SGCZ: variants seen among roughly 807,000 people sequenced by gnomAD.
SGCZ encodes zeta-sarcoglycan.
Under a neutral mutation model 41.3 loss-of-function variants are expected in SGCZ, and 40 were observed. The observed-to-expected ratio is 0.97, with a 90% CI of 0.75 to 1.26. The LOEUF is 1.26. SGCZ is among the 50% of genes most tolerant of loss of function. SGCZ has a pLI of 0.00. For synonymous variants in SGCZ, 206 were observed against 137.5 expected (o/e 1.50, Z -3.49); for missense variants, 552 against 369.8 (o/e 1.49, Z -4.04).
chr8:14,952,478 G>C (rs1800671606), intron 1 of SGCZ, among the ~76,000 whole-genome samples: 2 of 152,044 alleles, frequency 1.3e-5, no homozygotes, highest in Non-Finnish European at 2.9e-5. Context: ...TTTAGCTCTA[G>C]GTCCATCACT....
chr8:14,700,360 C>G (rs371684431), intron 1 of SGCZ, among the ~76,000 whole-genome samples: 1 of 151,780 alleles, frequency 6.6e-6, no homozygotes, highest in South Asian at 2.1e-4. Flanking sequence ...GATGCAGGAG[C>G]AGAAAATAAA....
At chr8:15,093,951 T>G (rs1438891424) in intron 1 of SGCZ, among the ~76,000 whole-genome samples, 1 of 152,092 alleles carries the variant, frequency 6.6e-6, no homozygotes, top group East Asian at 1.9e-4. Flanking sequence ...GATATAGCAG[T>G]GTGTACAAGA....
intron 1 of SGCZ, among the ~76,000 whole-genome samples, chr8:14,991,433 G>C (rs1226610216): frequency 1.3e-4 from 20 of 152,128 alleles, no homozygotes; most frequent in Non-Finnish European, 1.5e-5. Context: ...TGGAGTTTGA[G>C]ATGCCCAGGA....
chr8:14,339,705 G>T (rs1474537659), intron 2 of SGCZ, among the ~76,000 whole-genome samples: 1 of 152,078 alleles, frequency 6.6e-6, no homozygotes, highest in Non-Finnish European at 1.5e-5. Flanking sequence ...GTATCATGCA[G>T]CTACCTGAAG....
At chr8:14,763,728 C>T (rs112643124) in intron 1 of SGCZ, among the ~76,000 whole-genome samples, 1 of 152,108 alleles carries the variant, frequency 6.6e-6, no homozygotes, top group Non-Finnish European at 1.5e-5. Context: ...CAATAAGTAA[C>T]AGTTTAACCA....
intron 1 of SGCZ, among the ~76,000 whole-genome samples, chr8:14,880,072 C>G (rs142914314): frequency 2.3e-4 from 35 of 152,212 alleles, no homozygotes; most frequent in African/African-American, 8.4e-4. Flanking sequence ...AACTCCTGAT[C>G]TCAGGTAATC....
chr8:14,550,966 A>T (rs527411437), intron 2 of SGCZ, among the ~76,000 whole-genome samples: 9 of 152,002 alleles, frequency 5.9e-5, no homozygotes, highest in Admixed American at 6.6e-5. Flanking sequence ...CTTCCCAATG[A>T]TCACGCAAGA....
intron 1 of SGCZ, among the ~76,000 whole-genome samples, chr8:14,723,064 G>T (rs1809940710): frequency 6.6e-6 from 1 of 152,042 alleles, no homozygotes; most frequent in South Asian, 2.1e-4. Flanking sequence ...ATTTTGCTAG[G>T]CAGGTTCAAA....
intron 2 of SGCZ, among the ~76,000 whole-genome samples, chr8:14,446,837 T>C (rs986512358): frequency 1.1e-4 from 16 of 152,172 alleles, no homozygotes; most frequent in African/African-American, 2.9e-4. Flanking sequence ...TAGTGTTATT[T>C]TTAAAAGCAC....
intron 1 of SGCZ, among the ~76,000 whole-genome samples, chr8:14,954,336 G>C (rs1175505905): frequency 1.3e-5 from 2 of 152,144 alleles, no homozygotes; most frequent in East Asian, 3.9e-4. Context: ...AGCTACAGAA[G>C]ATGTGGCAGA....
intron 5 of SGCZ, among the ~76,000 whole-genome samples, chr8:14,154,391 CAA>C (rs11312834): frequency 6.6e-6 from 1 of 151,624 alleles, no homozygotes. Flanking sequence ...ACAGCAACAA[CAA>C]AAAAAAACCG....
intron 1 of SGCZ, among the ~76,000 whole-genome samples, chr8:14,646,875 T>C (rs994772475): frequency 6.6e-6 from 1 of 151,924 alleles, no homozygotes; most frequent in African/African-American, 2.4e-5. Context: ...TTTCTAAGGA[T>C]TTTTCATTTG....
chr8:14,232,007 G>C (rs1351348160), intron 4 of SGCZ, among the ~76,000 whole-genome samples: 1 of 151,884 alleles, frequency 6.6e-6, no homozygotes, highest in Non-Finnish European at 1.5e-5. Flanking sequence ...TAAAAAGGAA[G>C]TTATTTCACA....
chr8:14,237,517 C>G (rs571836178), intron 4 of SGCZ, 75 bp downstream of exon 4: 9 of 1,345,100 alleles, frequency 6.7e-6, no homozygotes, highest in African/African-American at 2.9e-5. Flanking sequence ...ACGACAACAA[C>G]AAGAACCAAA....
At chr8:14,316,254 C>A (rs1801711370) in intron 3 of SGCZ, among the ~76,000 whole-genome samples, 1 of 151,892 alleles carries the variant, frequency 6.6e-6, no homozygotes, top group South Asian at 2.1e-4. Flanking sequence ...AAACCTAGAA[C>A]TGAGCATATG....
chr8:14,631,171 G>A (rs1055331097), intron 1 of SGCZ, among the ~76,000 whole-genome samples: 6 of 151,894 alleles, frequency 4.0e-5, no homozygotes, highest in African/African-American at 1.5e-4. Context: ...TCTCCAACAC[G>A]TTATTTACCA....
intron 2 of SGCZ, among the ~76,000 whole-genome samples, chr8:14,510,226 C>CT (rs1436790976): frequency 6.6e-6 from 1 of 151,916 alleles, no homozygotes; most frequent in East Asian, 1.9e-4. Context: ...TAAAATTGTT[C>CT]TTTTATGGAA....
intron 5 of SGCZ, among the ~76,000 whole-genome samples, chr8:14,157,735 G>C (rs1323936347): frequency 6.6e-6 from 1 of 152,106 alleles, no homozygotes; most frequent in Non-Finnish European, 1.5e-5. Flanking sequence ...TAGAGAAAAT[G>C]TAAAAAGAGG....
At chr8:14,546,421 C>T (rs921935113) in intron 2 of SGCZ, among the ~76,000 whole-genome samples, 1 of 152,134 alleles carries the variant, frequency 6.6e-6, no homozygotes, top group Admixed American at 6.6e-5. Context: ...TTAACCAGTG[C>T]GAAGACTAAA....
Sources: allele counts gnomAD v4.1 joint callset (sites outside exome capture counted in the v4.1 genomes callset), GRCh38; gene constraint gnomAD v4.1.1; transcripts MANE v1.5; gene names NCBI Gene and HGNC (gene_info 2026-07-23, HGNC 2026-07-21).